Variants in SMAP2 observed in about 807,000 individuals in gnomAD.
SMAP2 encodes small ArfGAP2.
In SMAP2, 25 loss-of-function variants were observed where a neutral mutation model predicts 56.4. That is an observed-to-expected ratio of 0.44 (90% confidence interval 0.32 to 0.62). The LOEUF is 0.62. Ranked by LOEUF, SMAP2 falls within the 20% of genes least tolerant of loss-of-function variation. The pLI is 0.04. For synonymous variants in SMAP2, 157 were observed against 181.7 expected (o/e 0.86, Z 1.09); for missense variants, 388 against 545.6 (o/e 0.71, Z 2.88).
intron 1 of SMAP2, among the ~76,000 whole-genome samples, chr1:40,354,767 A>ATTTGTTTTTTTT (rs1644426410): frequency 1.5e-5 from 1 of 67,338 alleles, no homozygotes; most frequent in Non-Finnish European, 2.5e-5. Context: ...AAAACATTGA[A>ATTTGTTTTTTTT]TTTTTTTTTT....
rs901386740 is a variant in SMAP2 at position 40,403,630 on chromosome 1, T to C, written c.104-3106T>C. The C allele has an allele frequency of 5.1e-6, 5 of 983,898 alleles. No homozygotes were observed. The Admixed American group carries it at 1.8e-4, about 36-fold the overall frequency. The allele number at this position is 983,898 out of a possible 1,614,324, so 60.9% of individuals were successfully genotyped here. On this transcript the variant is annotated intron_variant, in intron 1 of 9. Coordinates refer to ENST00000372718, the MANE Select transcript of SMAP2 (RefSeq NM_022733.3). ...TGGGAAGTGGGTTCTGGAAACCTTA[T>C]TCTATACCACATCCTTATATATAGT... is the stretch of plus-strand genomic sequence containing the variant.
intron 1 of SMAP2, chr1:40,393,391 T>C (rs1321591538): frequency 6.5e-7 from 1 of 1,534,656 alleles, no homozygotes; most frequent in Non-Finnish European, 8.7e-7. Context: ...GCCGTGGGAG[T>C]TGGAATAGGA....
At chr1:40,371,247 C>T (rs930724877), upstream of SMAP2, among the ~76,000 whole-genome samples, 1 of 151,802 alleles carries the variant, frequency 6.6e-6, no homozygotes, top group Admixed American at 6.6e-5. Flanking sequence ...ACAGAGTGAA[C>T]ATTTTTGCAA....
chr1:40,357,604 G>A (rs1002598038), intron 1 of SMAP2, among the ~76,000 whole-genome samples: 10 of 152,174 alleles, frequency 6.6e-5, no homozygotes, highest in Middle Eastern at 3.4e-3. Flanking sequence ...TTTGATTTTC[G>A]TATATGGTGA....
chr1:40,417,250 TAGA>T (rs914338081), intron 9 of SMAP2, among the ~76,000 whole-genome samples, 154 bp downstream of exon 9: 6 of 146,892 alleles, frequency 4.1e-5, no homozygotes, highest in African/African-American at 1.5e-4. Flanking sequence ...TTTTTTTTCC[TAGA>T]AGGTCTGTCT....
rs1644909379 is a variant in SMAP2, at chr1:40,408,785, T to A, written c.323+47T>A. 1 of 1,477,478 alleles carries A rather than the reference T, an allele frequency of 6.8e-7. No individual in the cohort carries two copies. Among genetic ancestry groups the A allele is most frequent in the Non-Finnish European group, 9.5e-7 (1 of 1,056,168 alleles). 91.5% of individuals were successfully genotyped at this position (1,477,478 alleles called of 1,614,324 possible). A position where few individuals can be genotyped will look rare whatever the true frequency, so the allele number is the denominator to read the frequency against. On this transcript the variant is annotated intron_variant, in intron 3 of 9. Transcript: ENST00000372718. The surrounding 1 kb of genome is among the most constrained non-coding windows in gnomAD (Gnocchi z 4.3). ...AGAAGGCTGAGTGGTATTTTGATGC[T>A]TGGGGAGAGTCAGACAAGACTCCAG...
At chr1:40,406,072 A>G (rs1036980326) in intron 1 of SMAP2, among the ~76,000 whole-genome samples, 1 of 152,182 alleles carries the variant, frequency 6.6e-6, no homozygotes, top group Non-Finnish European at 1.5e-5. Flanking sequence ...GCCATGGACA[A>G]GCATGCCATA....
Position 40,422,137 on chromosome 1 carries a change from C to T in SMAP2, c.*36C>T, listed in dbSNP as rs1482179357. 3.7e-6 allele frequency: 6 copies of T among 1,610,504 alleles called. No individual in the cohort carries two copies. The highest frequency in any genetic ancestry group is 4.5e-5 in the East Asian group (2 of 44,796). On this transcript the variant is annotated 3_prime_UTR_variant, in exon 10 of 10. Transcript: ENST00000372718. The stretch of plus-strand genomic sequence containing the variant: ...CCTGTATGGCTGCCATTCTCTTCAG[C>T]CCTCGCTCTCCCCTTTCCACAGCCT...
chr1:40,360,870 C>A (rs1644457011), intron 1 of SMAP2, among the ~76,000 whole-genome samples: 1 of 152,194 alleles, frequency 6.6e-6, no homozygotes, highest in African/African-American at 2.4e-5. Context: ...TCTCACCACC[C>A]CAGGCCAAAG....
intron 5 of SMAP2, 138 bp from the exon 6 acceptor site, chr1:40,414,021 C>T (rs1399824843): frequency 1.4e-6 from 1 of 706,652 alleles, no homozygotes. Flanking sequence ...CCTAATACTT[C>T]CTGAGTTTTG....
At chr1:40,371,804 A>G (rs1438367271), upstream of SMAP2, among the ~76,000 whole-genome samples, 1 of 152,206 alleles carries the variant, frequency 6.6e-6, no homozygotes, top group African/African-American at 2.4e-5. Flanking sequence ...GGCTGTTCTA[A>G]TTATATTACA....
chr1:40,373,021 T>G (rs1396269793), upstream of SMAP2, among the ~76,000 whole-genome samples: 1 of 152,216 alleles, frequency 6.6e-6, no homozygotes, highest in African/African-American at 2.4e-5. Flanking sequence ...AGGAGTTGCC[T>G]GTTGTGTGCT....
intron 1 of SMAP2, 104 bp from the exon 2 acceptor site, chr1:40,406,632 T>C: frequency 7.7e-7 from 1 of 1,303,358 alleles, no homozygotes; most frequent in Non-Finnish European, 1.1e-6. Flanking sequence ...TGGTAAAAAT[T>C]ATTTCACTTA....
intron 9 of SMAP2, among the ~76,000 whole-genome samples, chr1:40,419,663 C>G (rs1258177792): frequency 2.0e-5 from 3 of 152,092 alleles, no homozygotes; most frequent in Non-Finnish European, 4.4e-5. Context: ...GAGTTGAGAC[C>G]AAACATACCA....
chr1:40,412,915 A>G (rs1317793432), intron 4 of SMAP2, 101 bp from the exon 5 acceptor site: 15 of 827,504 alleles, frequency 1.8e-5, no homozygotes, highest in South Asian at 1.4e-4. Flanking sequence ...GTCAGAATCA[A>G]TAGGGATTGG....
At chr1:40,365,014 G>A in intron 2 of SMAP2, 1 of 225,686 alleles carries the variant, frequency 4.4e-6, no homozygotes, top group Non-Finnish European at 9.3e-6. Context: ...GATGAAGAAG[G>A]TGCTATGTCT....
intron 1 of SMAP2, chr1:40,393,546 T>C: frequency 8.2e-7 from 1 of 1,215,576 alleles, no homozygotes; most frequent in East Asian, 3.5e-5. Context: ...TCTAACTTTT[T>C]TTTTTTTTTT....
intron 1 of SMAP2, among the ~76,000 whole-genome samples, chr1:40,360,488 A>T (rs115087988): frequency 0.053 from 7,982 of 150,686 alleles, 304 homozygotes; most frequent in East Asian, 0.14. Flanking sequence ...TTTTTAGTAG[A>T]CTCATGGTTT....
intron 1 of SMAP2, among the ~76,000 whole-genome samples, chr1:40,346,413 G>A (rs1230357329): frequency 2.6e-5 from 4 of 151,302 alleles, no homozygotes; most frequent in Admixed American, 1.3e-4. Context: ...TTTGTTGCCC[G>A]GACTGGAGTG....
Sources: gnomAD v4.1 joint callset for allele counts (sites outside exome capture counted in the v4.1 genomes callset) on GRCh38, gnomAD v4.1.1 for gene constraint, Gnocchi (gnomAD v3.1) non-coding constraint, MANE v1.5 for transcripts, NCBI Gene and HGNC (gene_info 2026-07-23, HGNC 2026-07-21) for gene names.